PLCG2: variants seen among roughly 807,000 people sequenced by gnomAD.
PLCG2 encodes 1-phosphatidylinositol 4,5-bisphosphate phosphodiesterase gamma-2.
PLCG2 carries 69 observed loss-of-function variants against 175.6 expected under a neutral mutation model. The ratio of observed to expected loss-of-function variants is 0.39; its 90% confidence interval spans 0.32 to 0.48. PLCG2 has a LOEUF of 0.48. Ranked by LOEUF, PLCG2 falls within the 20% of genes least tolerant of loss-of-function variation. The pLI is 0.91. For synonymous variants in PLCG2, 827 were observed against 624.0 expected, an observed-to-expected ratio of 1.33 and a Z score of -4.85; for missense variants, 1,798 against 1,650.9, an observed-to-expected ratio of 1.09 and a Z score of -1.54.
chr16:81,889,793 T>A (rs1012795493), intron 10 of PLCG2, among the ~76,000 whole-genome samples: 1 of 152,050 alleles, frequency 6.6e-6, no homozygotes, highest in African/African-American at 2.4e-5. Context: ...TAGCTGGGAT[T>A]ATAGGCGCTG....
upstream of PLCG2, among the ~76,000 whole-genome samples, chr16:81,778,116 C>T (rs999815987): frequency 4.0e-5 from 6 of 151,676 alleles, no homozygotes; most frequent in African/African-American, 1.5e-4. Flanking sequence ...TGGCACATGC[C>T]TGTGATCCCA....
intron 9 of PLCG2, among the ~76,000 whole-genome samples, chr16:81,885,989 G>A (rs767075590): frequency 6.6e-6 from 1 of 152,188 alleles, no homozygotes; most frequent in Non-Finnish European, 1.5e-5. Context: ...GCACAGTCAC[G>A]TTAGGTCTGA....
intron 2 of PLCG2, among the ~76,000 whole-genome samples, chr16:81,853,014 G>A (rs1328286027): frequency 6.6e-6 from 1 of 152,162 alleles, no homozygotes; most frequent in East Asian, 1.9e-4. Flanking sequence ...AGCACAAAAT[G>A]GAAGGTACCA....
chr16:81,823,306 G>A (rs1467827669), intron 2 of PLCG2, among the ~76,000 whole-genome samples: 1 of 152,222 alleles, frequency 6.6e-6, no homozygotes, highest in Non-Finnish European at 1.5e-5. Context: ...CTGCAGCAGA[G>A]AGGCTTCCTC....
rs188179334 is a variant in PLCG2 at position 81,939,773 on chromosome 16, T to C, written c.3314-119T>C. 4.7e-4 allele frequency: 317 copies of C among 668,972 alleles called. 1 individual carries two copies. The African/African-American group carries it at 5.1e-3, about 11-fold the overall frequency. The allele number at this position is 668,972 out of a possible 1,614,324, so 41.4% of individuals were successfully genotyped here. ...ATTCAGATTTTCTTAGATCTTGGCA[T>C]AGATGCATATTTATTTACATGGTTG... On this transcript the variant is annotated intron_variant, in intron 29 of 32. Transcript: ENST00000564138.
chr16:81,896,341 A>T (rs549831745), intron 13 of PLCG2, among the ~76,000 whole-genome samples: 1 of 150,458 alleles, frequency 6.6e-6, no homozygotes, highest in African/African-American at 2.4e-5. Context: ...CCTGGGCAAC[A>T]TGGTGAAACC....
chr16:81,755,521 A>C (rs1413123785), intron 1 of PLCG2, among the ~76,000 whole-genome samples: 1 of 150,538 alleles, frequency 6.6e-6, no homozygotes, highest in South Asian at 2.1e-4. Flanking sequence ...CTGTTTCTTT[A>C]ACGTCAGCTT....
At chr16:81,953,057 C>T (rs1911430794) in intron 31 of PLCG2, among the ~76,000 whole-genome samples, 1 of 152,220 alleles carries the variant, frequency 6.6e-6, no homozygotes, top group South Asian at 2.1e-4. Flanking sequence ...GCCAAAACTG[C>T]ATCGCCTCAA....
chr16:81,844,543 A>G (rs1385962044), intron 2 of PLCG2, among the ~76,000 whole-genome samples: 1 of 151,446 alleles, frequency 6.6e-6, no homozygotes, highest in African/African-American at 2.4e-5. Context: ...GCTGGTCTCA[A>G]ACTCCCAACT....
chr16:81,934,155 C>T (rs1206631253), intron 25 of PLCG2, among the ~76,000 whole-genome samples: 10 of 152,110 alleles, frequency 6.6e-5, no homozygotes, highest in Non-Finnish European at 1.3e-4. Context: ...AGAGAAGAGC[C>T]CCCTTCCATC....
intron 2 of PLCG2, among the ~76,000 whole-genome samples, chr16:81,818,368 CTCTT>C (rs1361803709): frequency 1.3e-5 from 2 of 152,226 alleles, no homozygotes; most frequent in Non-Finnish European, 2.9e-5. Context: ...TTTAATGTCT[CTCTT>C]TCTCAGACTG....
intron 2 of PLCG2, 28 bp downstream of exon 2, chr16:81,786,210 G>A (rs371524184): frequency 4.8e-5 from 77 of 1,600,780 alleles, no homozygotes; most frequent in Non-Finnish European, 6.4e-5. Flanking sequence ...GGGGCAGTGT[G>A]GCCCGTCCTC....
At chr16:81,855,773 A>G (rs897202262) in intron 3 of PLCG2, among the ~76,000 whole-genome samples, 2 of 152,180 alleles carry the variant, frequency 1.3e-5, no homozygotes, top group Admixed American at 6.5e-5. Context: ...TTTGGAGGAA[A>G]GAGAGGGAGG....
At chr16:81,871,607 G>GGATT (rs1907519625) in intron 7 of PLCG2, among the ~76,000 whole-genome samples, 1 of 152,026 alleles carries the variant, frequency 6.6e-6, no homozygotes, top group African/African-American at 2.4e-5. Flanking sequence ...TAAAGTGCTG[G>GGATT]GATTACAGGT....
intron 1 of PLCG2, among the ~76,000 whole-genome samples, chr16:81,754,489 C>G (rs548419598): frequency 2.0e-5 from 2 of 99,232 alleles, no homozygotes; most frequent in African/African-American, 8.6e-5. Flanking sequence ...CCTCATTCCC[C>G]TCCTTTCCCA....
intron 2 of PLCG2, 60 bp from the exon 3 acceptor site, chr16:81,854,384 C>G: frequency 6.6e-7 from 1 of 1,512,100 alleles, no homozygotes; most frequent in East Asian, 2.3e-5. Flanking sequence ...AGTTGTGTGG[C>G]TGCATCCTCA....
chr16:81,802,624 T>G (rs953524497), intron 2 of PLCG2, among the ~76,000 whole-genome samples: 1 of 151,986 alleles, frequency 6.6e-6, no homozygotes, highest in Admixed American at 6.6e-5. Context: ...CGGGCTGGAG[T>G]GCAGTGGCGC....
chr16:81,796,550 C>T (rs1399983571), intron 2 of PLCG2, among the ~76,000 whole-genome samples: 1 of 152,208 alleles, frequency 6.6e-6, no homozygotes, highest in African/African-American at 2.4e-5. Context: ...TTACCAATTT[C>T]ATATGTCAAG....
intron 2 of PLCG2, among the ~76,000 whole-genome samples, chr16:81,796,918 TCTC>T (rs1439393799): frequency 4.6e-5 from 7 of 152,146 alleles, no homozygotes; most frequent in African/African-American, 1.7e-4. Flanking sequence ...ACAAATACAC[TCTC>T]ATGTAACAGG....
Sources: allele counts gnomAD v4.1 joint callset (sites outside exome capture counted in the v4.1 genomes callset), GRCh38; gene constraint gnomAD v4.1.1; transcripts MANE v1.5; gene names NCBI Gene and HGNC (gene_info 2026-07-23, HGNC 2026-07-21).